The following KCNH2 variants were observed in gnomAD, a reference collection of about 807,000 sequenced individuals.
KCNH2 encodes voltage-gated inwardly rectifying potassium channel KCNH2.
In KCNH2, 35 loss-of-function variants were observed where a neutral mutation model predicts 95.9. That is an observed-to-expected ratio of 0.37 (90% CI 0.28 to 0.48). The LOEUF is 0.48. Among genes scored for constraint, KCNH2 ranks in the 20% least tolerant of loss-of-function variants. The pLI is 0.99. For missense variants in KCNH2, 1,274 were observed against 1,702.9 expected (o/e 0.75, Z 4.43); for synonymous variants, 786 against 754.7 (o/e 1.04, Z -0.68).
At chr7:150,965,286 G>C (rs1801673865) in intron 2 of KCNH2, among the ~76,000 whole-genome samples, 3 of 152,000 alleles carry the variant, frequency 2.0e-5, no homozygotes. Context: ...TAGTCATCTA[G>C]ACCCACCCAA....
At chr7:150,975,606 C>T (rs1801964293) in intron 1 of KCNH2, among the ~76,000 whole-genome samples, 1 of 152,200 alleles carries the variant, frequency 6.6e-6, no homozygotes, top group South Asian at 2.1e-4. Flanking sequence ...CTCATTAGGT[C>T]CTCTGACAAC....
Position 150,978,188 on chromosome 7 carries a change from C to A in KCNH2, c.-275G>T. ...CCCCCGCCGAGCCGCGGGGCCCGCT[C>A]CGCCGCGTCCCCGCGCTGCGCTCCG... On this transcript the variant is annotated 5_prime_UTR_variant, in exon 1 of 15. Transcript: ENST00000262186. 6.8e-6 allele frequency: 1 copy of A among 146,618 alleles called. No individual in the cohort carries two copies. Among genetic ancestry groups the A allele is most frequent in the South Asian group, 2.0e-4 (1 of 5,038 alleles). The allele number at this position is 146,618 out of a possible 1,614,324, so 9.1% of individuals were successfully genotyped here. A position where few individuals can be genotyped will look rare whatever the true frequency, so the allele number is the denominator to read the frequency against.
At chr7:150,956,549 C>T (rs969008029) in intron 5 of KCNH2, among the ~76,000 whole-genome samples, 12 of 152,118 alleles carry the variant, frequency 7.9e-5, no homozygotes, top group African/African-American at 2.9e-4. Context: ...GTGGATGAAG[C>T]CATGGAGGGG....
chr7:150,957,760 G>C (rs1801426490), intron 4 of KCNH2, among the ~76,000 whole-genome samples: 1 of 152,234 alleles, frequency 6.6e-6, no homozygotes, highest in Admixed American at 6.5e-5. Flanking sequence ...AGGGGGCCAG[G>C]TGGTGTTCGG....
chr7:150,945,275 TCAGGGCCTCCTGAG>T lies in KCNH2; in HGVS notation c.*76_*89del. The T allele has an allele frequency of 2.1e-6, 3 of 1,408,380 alleles. No homozygotes were observed. The highest frequency in any genetic ancestry group is 2.9e-6 in the Non-Finnish European group (3 of 1,041,390). The allele number at this position is 1,408,380 out of a possible 1,614,324, so 87.2% of individuals were successfully genotyped here. On this transcript the variant is annotated 3_prime_UTR_variant, in exon 15 of 15. Coordinates refer to ENST00000262186, the MANE Select transcript of KCNH2 (RefSeq NM_000238.4). This position sits in a 1 kb window ranked among gnomAD's most constrained non-coding sequence, Gnocchi z 5.6. ...TTCGAGTTCCTCTCCCCTTCCACGG[TCAGGGCCTCCTGAG>T]CAGGGCCTCCAAGGGGAGCGGCCCA...
In KCNH2 at chr7:150,957,517, A is replaced by T; in HGVS notation, c.917-15T>A. 6.4e-7 allele frequency: 1 copy of T among 1,566,620 alleles called. No individual in the cohort carries two copies. Among genetic ancestry groups the T allele is most frequent in the Non-Finnish European group, 8.6e-7 (1 of 1,163,880 alleles). Reference sequence around the variant, plus strand: ...GTGCATGGCCCCTAGGTGGAGAGGCAGCGTGGTCAGGCCAGCAGCCCAGGG... The same window carrying T: ...GTGCATGGCCCCTAGGTGGAGAGGCTGCGTGGTCAGGCCAGCAGCCCAGGG... On this transcript the variant is annotated splice_polypyrimidine_tract_variant and intron_variant, in intron 4 of 14. Coordinates refer to ENST00000262186, the MANE Select transcript of KCNH2 (RefSeq NM_000238.4).
In KCNH2 at chr7:150,945,632, G is replaced by T; in HGVS notation, c.3331-118C>A. On this transcript the variant is annotated intron_variant, in intron 14 of 14. Coordinates refer to ENST00000262186, the MANE Select transcript of KCNH2 (RefSeq NM_000238.4). This position sits in a 1 kb window ranked among gnomAD's most constrained non-coding sequence, Gnocchi z 5.6. ...GACGGGAGGACAGGAGGGCCAAGAG[G>T]AGAGTCAGGTGGGCAGAGAAGCTGG... 2.7e-6 allele frequency: 3 copies of T among 1,105,348 alleles called. No homozygotes were observed. The highest frequency in any genetic ancestry group is 2.6e-5 in the East Asian group (1 of 38,778). 68.5% of individuals were successfully genotyped at this position (1,105,348 alleles called of 1,614,324 possible). A position where few individuals can be genotyped will look rare whatever the true frequency, so the allele number is the denominator to read the frequency against.
intron 5 of KCNH2, among the ~76,000 whole-genome samples, chr7:150,954,374 C>T (rs1294851197): frequency 1.3e-5 from 2 of 152,190 alleles, no homozygotes; most frequent in African/African-American, 2.4e-5. Context: ...GGTCAAGCCT[C>T]TGGGCGGAGG....
At chr7:150,947,561 G>T in intron 12 of KCNH2, 45 bp downstream of exon 12, 1 of 1,605,296 alleles carries the variant, frequency 6.2e-7, no homozygotes, top group East Asian at 2.2e-5. Flanking sequence ...ACGCACCACC[G>T]CTGCCACGCC....
intron 2 of KCNH2, among the ~76,000 whole-genome samples, chr7:150,966,383 C>A (rs1801703550): frequency 2.5e-5 from 1 of 40,114 alleles, no homozygotes; most frequent in Non-Finnish European, 4.8e-5. Flanking sequence ...TTGCCCCCTC[C>A]CCCCCCCCCA....
Position 150,948,519 on chromosome 7 carries a change from C to A in KCNH2, c.2617G>T (p.Gly873Cys), listed in dbSNP as rs41314354. The A allele has an allele frequency of 6.2e-7, 1 of 1,613,708 alleles. No homozygotes were observed. The highest frequency in any genetic ancestry group is 1.1e-5 in the South Asian group (1 of 91,076). ...AAGCCACCCTCTAACTCCGTACTGC[C>A]GGGGGAGCCCGGGATCATGTTGGTC... is the stretch of plus-strand genomic sequence containing the variant. ...RDTNMIPGSP[G>C]STELEGGFSR... Residue 873 changes from glycine to cysteine, a missense_variant, in exon 11 of 15, where the codon GGC becomes TGC. Gly to Cys is a radical substitution (Grantham distance 159, BLOSUM62 -3). Transcript: ENST00000262186.
Position 150,951,839 on chromosome 7 carries a change from G to C in KCNH2, c.1558-4C>G, listed in dbSNP as rs1801185176. On this transcript the variant is annotated splice_polypyrimidine_tract_variant and splice_region_variant and intron_variant, in intron 6 of 14. Coordinates refer to ENST00000262186, the MANE Select transcript of KCNH2 (RefSeq NM_000238.4). ...CAGTCTTCAGCAGCCCGATCAGCTG[G>C]GGGACAGGGAAGGGGCACATTCCGT... is the stretch of plus-strand genomic sequence containing the variant. The C allele has an allele frequency of 6.4e-7, 1 of 1,567,312 alleles. No individual in the cohort carries two copies. The highest frequency in any genetic ancestry group is 8.7e-7 in the Non-Finnish European group (1 of 1,153,388).
intron 2 of KCNH2, among the ~76,000 whole-genome samples, chr7:150,965,335 G>A (rs73167627): frequency 0.038 from 5,745 of 152,158 alleles, 152 homozygotes; most frequent in African/African-American, 0.054. Context: ...TCTCTGCCCC[G>A]GACCACAGCA....
chr7:150,973,406 C>CAGT (rs2117057747), intron 2 of KCNH2, among the ~76,000 whole-genome samples: 1 of 152,326 alleles, frequency 6.6e-6, no homozygotes, highest in East Asian at 1.9e-4. Context: ...ATGAAGACAA[C>CAGT]AGTAGTGTCT....
At chr7:150,950,133 C>T in intron 9 of KCNH2, 35 bp downstream of exon 9, 2 of 1,607,848 alleles carry the variant, frequency 1.2e-6, no homozygotes, top group African/African-American at 1.3e-5. Flanking sequence ...CTGCAGAGGG[C>T]ATTTCCAGTC....
At chr7:150,956,947 G>C (rs1365269494) in intron 5 of KCNH2, among the ~76,000 whole-genome samples, 1 of 152,002 alleles carries the variant, frequency 6.6e-6, no homozygotes, top group Non-Finnish European at 1.5e-5. Context: ...TGTCCCTCAG[G>C]CCGCCTTCCC....
intron 4 of KCNH2, among the ~76,000 whole-genome samples, chr7:150,957,742 T>C (rs1203223091): frequency 3.9e-5 from 6 of 152,278 alleles, no homozygotes; most frequent in Admixed American, 1.3e-4. Flanking sequence ...TCCAGGACGC[T>C]GGCAGGCAGG....
intron 11 of KCNH2, 33 bp downstream of exon 11, chr7:150,948,407 TCCCC>T: frequency 9.8e-5 from 119 of 1,219,104 alleles, no homozygotes; most frequent in Non-Finnish European, 1.2e-4. Flanking sequence ...CCTCACCTTG[TCCCC>T]GCCCTCCCCC....
rs760408746 is a variant in KCNH2 at position 150,947,803 on chromosome 7, G to A, written c.2768C>T (p.Pro923Leu). 50 of 1,529,900 alleles carry A rather than the reference G, an allele frequency of 3.3e-5. 1 individual carries two copies. The South Asian group carries it at 4.1e-4, about 13-fold the overall frequency. The allele number at this position is 1,529,900 out of a possible 1,614,324, so 94.8% of individuals were successfully genotyped here. The change falls in exon 12 of 15, where the codon CCG becomes CTG. Residue 923 changes from proline to leucine, a missense_variant. Pro to Leu is a moderately conservative substitution (Grantham distance 98). Transcript: ENST00000262186. ...AGAGPSSRGR[P>L]GGPWGESPSS... Reference sequence around the variant, plus strand: ...CGGGCTCTCCCCCCACGGCCCCCCCGGCCGGCCCCGGCTACTCGGCCCTGC... The same window carrying A: ...CGGGCTCTCCCCCCACGGCCCCCCCAGCCGGCCCCGGCTACTCGGCCCTGC...
Sources: allele counts gnomAD v4.1 joint callset (sites outside exome capture counted in the v4.1 genomes callset), GRCh38; gene constraint gnomAD v4.1.1; non-coding constraint Gnocchi (gnomAD v3.1); transcripts MANE v1.5; gene names NCBI Gene and HGNC (gene_info 2026-07-23, HGNC 2026-07-21).